SPINK5: variants seen among roughly 807,000 people sequenced by gnomAD.
SPINK5 encodes serine protease inhibitor Kazal-type 5.
SPINK5 carries 125 observed loss-of-function variants against 151.8 expected under a neutral mutation model. That is an observed-to-expected ratio of 0.82 (90% confidence interval 0.71 to 0.96). The LOEUF (loss-of-function observed/expected upper bound fraction) is 0.96, where lower values mean the gene tolerates loss of function less well. Ranked by LOEUF, SPINK5 falls within the 40% of genes least tolerant of loss-of-function variation. The pLI, the probability that SPINK5 is intolerant of heterozygous loss-of-function variation, is 0.00. For missense variants in SPINK5, 1,194 were observed against 1,291.9 expected, an observed-to-expected ratio of 0.92 and a Z score of 1.16; for synonymous variants, 374 against 395.3, an observed-to-expected ratio of 0.95 and a Z score of 0.64.
At chr5:148,095,261 C>G (rs1476367447) in intron 9 of SPINK5, among the ~76,000 whole-genome samples, 5 of 151,948 alleles carry the variant, frequency 3.3e-5, no homozygotes, top group African/African-American at 9.7e-5. Flanking sequence ...GTCTTTTCTA[C>G]CAGCCTCAAG....
chr5:148,126,018 G>A, intron 29 of SPINK5, among the ~76,000 whole-genome samples, 168 bp downstream of exon 29: 1 of 152,166 alleles, frequency 6.6e-6, no homozygotes, highest in Non-Finnish European at 1.5e-5. Flanking sequence ...AAAGAACACT[G>A]AGACTTGGAG....
intron 2 of SPINK5, among the ~76,000 whole-genome samples, chr5:148,066,688 T>C (rs1752595412): frequency 6.6e-6 from 1 of 152,046 alleles, no homozygotes; most frequent in Non-Finnish European, 1.5e-5. Flanking sequence ...AGTTTTATAC[T>C]GGGAAAAAAG....
chr5:148,131,190 G>A, intron 30 of SPINK5, 69 bp from the exon 31 acceptor site: 1 of 1,583,592 alleles, frequency 6.3e-7, no homozygotes, highest in Non-Finnish European at 8.7e-7. Flanking sequence ...GAACTCAAGA[G>A]GTTTTCTTAA....
At chr5:148,086,213 G>A (rs1753149663) in intron 4 of SPINK5, among the ~76,000 whole-genome samples, 192 bp from the exon 5 acceptor site, 1 of 151,736 alleles carries the variant, frequency 6.6e-6, no homozygotes, top group African/African-American at 2.4e-5. Context: ...TCTTTCTTTT[G>A]AAATCTAATT....
chr5:148,137,077 C>A lies in SPINK5; in HGVS notation c.*86C>A. The A allele has an allele frequency of 6.5e-7, 1 of 1,540,174 alleles. No homozygotes were observed. The highest frequency in any genetic ancestry group is 1.1e-5 in the South Asian group (1 of 89,468). On this transcript the variant is annotated 3_prime_UTR_variant, in exon 33 of 33. Transcript: ENST00000256084. ...TCACCATCTGTATATACAAAGAATT[C>A]TTCGGAGCTTGTCTTATTTGCTATA... is the stretch of plus-strand genomic sequence containing the variant.
intron 4 of SPINK5, among the ~76,000 whole-genome samples, chr5:148,079,297 G>A (rs1400704940): frequency 6.6e-6 from 1 of 151,052 alleles, no homozygotes; most frequent in African/African-American, 2.4e-5. Flanking sequence ...TTAAAAAAAT[G>A]CCCAAGAGCA....
chr5:148,105,706 G>A (rs6896914), intron 16 of SPINK5, among the ~76,000 whole-genome samples: 4 of 151,524 alleles, frequency 2.6e-5, no homozygotes, highest in Non-Finnish European at 4.4e-5. Context: ...AACCTCTGCC[G>A]CCCGGGTTCA....
Position 148,137,109 on chromosome 5 carries a change from A to C in SPINK5, c.*118A>C. 3.7e-6 allele frequency: 5 copies of C among 1,358,980 alleles called. No individual in the cohort carries two copies. Among genetic ancestry groups the C allele is most frequent in the Non-Finnish European group, 5.3e-6 (5 of 951,514 alleles). The allele number at this position is 1,358,980 out of a possible 1,614,324, so 84.2% of individuals were successfully genotyped here. On this transcript the variant is annotated 3_prime_UTR_variant, in exon 33 of 33. Transcript: ENST00000256084. ...GCTTGTCTTATTTGCTATAGAAAACAATACAGAGCTTTTGGGAATGGACTC... is the reference window on the plus strand; with the variant it reads ...GCTTGTCTTATTTGCTATAGAAAACCATACAGAGCTTTTGGGAATGGACTC...
intron 16 of SPINK5, among the ~76,000 whole-genome samples, 185 bp downstream of exon 16, chr5:148,105,185 A>C (rs1753749778): frequency 6.6e-6 from 1 of 152,212 alleles, no homozygotes; most frequent in Non-Finnish European, 1.5e-5. Context: ...TTTATTTCAC[A>C]ATTATTCAAA....
chr5:148,118,440 G>T lies in SPINK5; in HGVS notation c.2116G>T (p.Glu706Ter). ...SGGGGGNTQD[E>*]CAEYREQMKN... ...CTTCGTTCTTCTCTGTTTTCAGGAC[G>T]AATGTGCTGAGTATCGGGAACAAAT... The change falls in exon 23 of 33, where the codon GAA becomes TAA. Residue 706 changes from glutamate to a stop codon, truncating the protein, a stop_gained. Transcript: ENST00000256084. LOFTEE classifies it high-confidence loss of function. 1 of 1,614,030 alleles carries T rather than the reference G, an allele frequency of 6.2e-7. No homozygotes were observed. The highest frequency in any genetic ancestry group is 1.1e-5 in the South Asian group (1 of 91,070).
chr5:148,087,044 T>G (rs1185313667), intron 5 of SPINK5, among the ~76,000 whole-genome samples: 1 of 151,586 alleles, frequency 6.6e-6, no homozygotes, highest in African/African-American at 2.4e-5. Flanking sequence ...ATCTATTATC[T>G]ATTTGTTTAT....
At position 148,125,742 on chromosome 5, in the gene SPINK5, G is replaced by C. The variant is rs371134163; in HGVS notation, c.2759G>C (p.Arg920Pro). Reference protein sequence around the residue: ...NNAKDECSEFRNYIRNNELIC... With the variant: ...NNAKDECSEFPNYIRNNELIC... ...TTCTAGGATGAGTGCAGTGAATTTC[G>C]AAACTATATAAGGAACAATGAACTC... The change falls in exon 29 of 33, where the codon CGA becomes CCA. Residue 920 changes from arginine (R) to proline (P), a missense_variant. Physicochemically the swap from Arg to Pro is moderately radical, Grantham distance 103. Transcript: ENST00000256084. 3 of 1,613,980 alleles carry C rather than the reference G, an allele frequency of 1.9e-6. No homozygotes were observed. Among genetic ancestry groups the C allele is most frequent in the Non-Finnish European group, 2.5e-6 (3 of 1,180,036 alleles).
Position 148,094,423 on chromosome 5 carries a change from G to A in SPINK5, c.736G>A (p.Val246Ile), listed in dbSNP as rs763792453. 1 of 1,612,896 alleles carries A rather than the reference G, an allele frequency of 6.2e-7. No homozygotes were observed. Among genetic ancestry groups the A allele is most frequent in the South Asian group, 1.1e-5 (1 of 91,070 alleles). Residue 246 changes from valine (V) to isoleucine (I), a missense_variant, in exon 9 of 33, where the codon GTC (valine) becomes ATC (isoleucine). Physicochemically the swap from Val to Ile is conservative, Grantham distance 29. Coordinates refer to ENST00000256084, the MANE Select transcript of SPINK5 (RefSeq NM_006846.4). ...RLFCTRESDPVRGPDGRMHGN... is the reference protein window; with the variant it reads ...RLFCTRESDPIRGPDGRMHGN... Reference sequence around the variant, plus strand: ...TTTTTGTACACGGGAGAGTGATCCAGTCCGTGGCCCTGACGGCAGGATGCA... The same window carrying A: ...TTTTTGTACACGGGAGAGTGATCCAATCCGTGGCCCTGACGGCAGGATGCA...
At position 148,072,173 on chromosome 5, in the gene SPINK5, A is replaced by AG. The variant is rs752179828; in HGVS notation, c.238dup (p.Ala80GlyfsTer19). 1.4e-5 allele frequency: 22 copies of AG among 1,612,248 alleles called. No homozygotes were observed. Among genetic ancestry groups the AG allele is most frequent in the Admixed American group, 1.3e-4 (8 of 59,812 alleles). On this transcript the variant is annotated frameshift_variant, in exon 4 of 33. Coordinates refer to ENST00000256084, the MANE Select transcript of SPINK5 (RefSeq NM_006846.4). LOFTEE classifies it high-confidence loss of function. ...GGAAAAAGAAGCAAAATCACAGAAGAGGGCCAGGCATTTAGCAAGAGCTCC... is the reference window on the plus strand; with the variant it reads ...GGAAAAAGAAGCAAAATCACAGAAGAGGGGCCAGGCATTTAGCAAGAGCTCC...
intron 26 of SPINK5, among the ~76,000 whole-genome samples, chr5:148,121,576 T>A (rs554500333): frequency 2.0e-5 from 3 of 152,072 alleles, no homozygotes; most frequent in Admixed American, 2.0e-4. Context: ...GGTAAATTTT[T>A]AATTTTATGA....
At chr5:148,094,256 C>T in intron 8 of SPINK5, 98 bp from the exon 9 acceptor site, 1 of 1,367,138 alleles carries the variant, frequency 7.3e-7, no homozygotes. Flanking sequence ...GATCATTCCC[C>T]TGCAATCCAC....
intron 27 of SPINK5, 65 bp downstream of exon 27, chr5:148,124,025 T>C: frequency 1.9e-6 from 3 of 1,590,784 alleles, no homozygotes; most frequent in Non-Finnish European, 2.6e-6. Flanking sequence ...TAGTTTTTGT[T>C]ACTTTTAAAA....
intron 18 of SPINK5, among the ~76,000 whole-genome samples, chr5:148,110,012 C>T (rs961390389): frequency 3.3e-4 from 51 of 152,280 alleles, no homozygotes; most frequent in African/African-American, 9.9e-4. Flanking sequence ...CTTTCTATCA[C>T]GTGGTCACAA....
In SPINK5 at chr5:148,071,750, T is replaced by C. The variant is rs1212381261; in HGVS notation, c.210-398T>C. 2.6e-5 allele frequency among the ~76,000 whole-genome samples: 4 copies of C among 152,038 alleles called. No homozygotes were observed. The East Asian group carries it at 7.7e-4, about 29-fold the overall frequency. On this transcript the variant is annotated intron_variant, in intron 3 of 32. Coordinates refer to ENST00000256084, the MANE Select transcript of SPINK5 (RefSeq NM_006846.4). ...ATCAGATTCCTAAAGAACTGGCTTA[T>C]GGAAAAGAAAATTGATTTGCTCTGT...
Sources: allele counts gnomAD v4.1 joint callset (sites outside exome capture counted in the v4.1 genomes callset), GRCh38; gene constraint gnomAD v4.1.1; transcripts MANE v1.5; gene names NCBI Gene and HGNC (gene_info 2026-07-23, HGNC 2026-07-21).